Variants in UVRAG observed in about 807,000 individuals in gnomAD.
UVRAG encodes the protein UV radiation resistance associated, also known as UV radiation resistance-associated gene protein.
Under a neutral mutation model 78.0 loss-of-function variants are expected in UVRAG, and 19 were observed. That is an observed-to-expected ratio of 0.24 (90% CI 0.17 to 0.36). The LOEUF is 0.36. Among genes scored for constraint, UVRAG ranks in the 10% least tolerant of loss-of-function variants. The pLI is 1.00. For synonymous variants in UVRAG, 323 were observed against 324.6 expected, an observed-to-expected ratio of 1.00 and a Z score of 0.05; for missense variants, 740 against 853.8, an observed-to-expected ratio of 0.87 and a Z score of 1.66.
chr11:75,918,669 A>T (rs1947912296), intron 6 of UVRAG, among the ~76,000 whole-genome samples: 1 of 152,192 alleles, frequency 6.6e-6, no homozygotes, highest in Non-Finnish European at 1.5e-5. Flanking sequence ...TTTAGGCAAG[A>T]ATCCTTGTTT....
At chr11:76,003,928 A>G (rs1423409937) in intron 8 of UVRAG, 77 bp from the exon 9 acceptor site, 10 of 1,324,216 alleles carry the variant, frequency 7.6e-6, no homozygotes, top group Non-Finnish European at 1.1e-5. Context: ...ACAGTCAGGG[A>G]TTTGGCTTGG....
At chr11:75,949,412 C>T (rs544873825) in intron 6 of UVRAG, among the ~76,000 whole-genome samples, 10 of 152,008 alleles carry the variant, frequency 6.6e-5, no homozygotes, top group African/African-American at 1.4e-4. Flanking sequence ...ACTTTCATAG[C>T]GTTCATAACC....
At chr11:75,821,431 TC>T (rs998136543) in intron 1 of UVRAG, among the ~76,000 whole-genome samples, 2 of 152,316 alleles carry the variant, frequency 1.3e-5, no homozygotes, top group African/African-American at 4.8e-5. Context: ...AGCCTTGACT[TC>T]CTGGGGTCAA....
intron 13 of UVRAG, among the ~76,000 whole-genome samples, chr11:76,071,537 T>A (rs1416974488): frequency 6.6e-6 from 1 of 152,188 alleles, no homozygotes; most frequent in African/African-American, 2.4e-5. Flanking sequence ...GTGGCATGAT[T>A]TGATATGTTT....
At chr11:75,816,014 A>G (rs1243197429) in intron 1 of UVRAG, among the ~76,000 whole-genome samples, 2 of 152,228 alleles carry the variant, frequency 1.3e-5, no homozygotes, top group East Asian at 1.9e-4. Flanking sequence ...TAGGGTGTCT[A>G]CCATTTGCTT....
chr11:76,073,539 T>C (rs1951353274), intron 13 of UVRAG, among the ~76,000 whole-genome samples: 1 of 152,128 alleles, frequency 6.6e-6, no homozygotes, highest in Non-Finnish European at 1.5e-5. Context: ...AGATTGGTAG[T>C]GATAATAACA....
rs75706433 is a variant in UVRAG at position 75,953,987 on chromosome 11, A to T, written c.594-7457A>T. 5.0e-3 allele frequency among the ~76,000 whole-genome samples: 754 copies of T among 152,320 alleles called. 7 individuals carry two copies. Among genetic ancestry groups the T allele is most frequent in the African/African-American group, 0.017 (710 of 41,578 alleles). ...GCAAAATCAAGAAACATTACTCTGAAATTGGCCAACCAGTTTGGAGGTAAA... is the reference window on the plus strand; with the variant it reads ...GCAAAATCAAGAAACATTACTCTGATATTGGCCAACCAGTTTGGAGGTAAA... On this transcript the variant is annotated intron_variant, in intron 6 of 14. Transcript: ENST00000356136.
chr11:75,892,562 A>G (rs1214093280), intron 5 of UVRAG, among the ~76,000 whole-genome samples: 1 of 152,210 alleles, frequency 6.6e-6, no homozygotes, highest in Non-Finnish European at 1.5e-5. Context: ...CAAATTACGC[A>G]GCTCCCTGAG....
At chr11:76,099,366 C>T (rs1951840009) in intron 13 of UVRAG, among the ~76,000 whole-genome samples, 1 of 152,158 alleles carries the variant, frequency 6.6e-6, no homozygotes, top group Admixed American at 6.6e-5. Context: ...AGGAAAATAA[C>T]AGTACCTGCT....
intron 13 of UVRAG, among the ~76,000 whole-genome samples, chr11:76,087,765 G>C (rs886118704): frequency 6.6e-6 from 1 of 152,156 alleles, no homozygotes; most frequent in South Asian, 2.1e-4. Context: ...GAGTAAAGAG[G>C]TTTAGTAATT....
chr11:75,866,380 T>TAAATAAAA (rs1218232943), intron 3 of UVRAG, among the ~76,000 whole-genome samples: 1 of 143,208 alleles, frequency 7.0e-6, no homozygotes, highest in African/African-American at 2.6e-5. Context: ...AATAAATAAA[T>TAAATAAAA]AAAATAAAAT....
At chr11:75,882,342 G>A (rs1371955032) in intron 4 of UVRAG, among the ~76,000 whole-genome samples, 1 of 151,916 alleles carries the variant, frequency 6.6e-6, no homozygotes, top group African/African-American at 2.4e-5. Flanking sequence ...GGCAAACCCT[G>A]TCTCTACTAA....
intron 13 of UVRAG, among the ~76,000 whole-genome samples, chr11:76,067,982 C>G (rs1315373806): frequency 6.6e-6 from 1 of 152,054 alleles, no homozygotes; most frequent in African/African-American, 2.4e-5. Flanking sequence ...ATCCTAAGGT[C>G]AGAAGGCTAT....
In UVRAG at chr11:76,041,203, T is replaced by C. The variant is rs78961354; in HGVS notation, c.1226+24223T>C. Among the ~76,000 whole-genome samples, 68 of 144,410 alleles carry C rather than the reference T, an allele frequency of 4.7e-4. No homozygotes were observed. In the East Asian group the frequency reaches 0.011, roughly 23 times the overall value. The allele number at this position is 144,410 out of a possible 152,430, so 94.7% of individuals were successfully genotyped here. On this transcript the variant is annotated intron_variant, in intron 12 of 14. Transcript: ENST00000356136. ...AATTAGTGTGAATATTATGGTCTGA[T>C]GGATTTATTGGGACAAGATCGTACG... is the stretch of plus-strand genomic sequence containing the variant.
intron 8 of UVRAG, among the ~76,000 whole-genome samples, chr11:75,992,950 G>C (rs1008442517): frequency 6.6e-6 from 1 of 152,120 alleles, no homozygotes; most frequent in Non-Finnish European, 1.5e-5. Context: ...TTACTAGTGC[G>C]TTCTTACATA....
intron 3 of UVRAG, among the ~76,000 whole-genome samples, chr11:75,863,728 T>C (rs1477560258): frequency 1.2e-4 from 18 of 152,218 alleles, no homozygotes; most frequent in Admixed American, 1.2e-3. Flanking sequence ...CAAAGAATAC[T>C]GTAGAATGGA....
At chr11:76,138,101 C>G (rs1464472161) in intron 14 of UVRAG, among the ~76,000 whole-genome samples, 4 of 152,166 alleles carry the variant, frequency 2.6e-5, no homozygotes, top group Non-Finnish European at 5.9e-5. Context: ...TGGAGTCCAT[C>G]CATGAAAAGA....
intron 6 of UVRAG, among the ~76,000 whole-genome samples, chr11:75,926,720 C>T (rs932894195): frequency 1.3e-5 from 2 of 151,664 alleles, no homozygotes; most frequent in East Asian, 1.9e-4. Context: ...GGGAAAGAGC[C>T]GGGGAGATGG....
At chr11:76,013,898 T>G (rs967677099) in intron 11 of UVRAG, among the ~76,000 whole-genome samples, 1 of 152,210 alleles carries the variant, frequency 6.6e-6, no homozygotes, top group African/African-American at 2.4e-5. Context: ...CCACAGTGTT[T>G]AACACTGAGT....
Sources: gnomAD v4.1 joint callset for allele counts (sites outside exome capture counted in the v4.1 genomes callset) on GRCh38, gnomAD v4.1.1 for gene constraint, MANE v1.5 for transcripts, NCBI Gene and HGNC (gene_info 2026-07-23, HGNC 2026-07-21) for gene names.